Variants in BCAS3 observed in about 807,000 individuals in gnomAD.
The protein encoded by BCAS3 is BCAS4/BCAS3 fusion.
BCAS3 carries 53 observed loss-of-function variants against 116.1 expected under a neutral mutation model. The observed-to-expected ratio is 0.46, with a 90% confidence interval of 0.37 to 0.57. The LOEUF is 0.57. Ranked by LOEUF, BCAS3 falls within the 20% of genes least tolerant of loss-of-function variation. BCAS3 has a pLI of 0.00. For missense variants in BCAS3, 917 were observed against 1,165.4 expected (o/e 0.79, Z 3.10); for synonymous variants, 391 against 408.2 (o/e 0.96, Z 0.51).
rs962588010 is a variant in BCAS3 at position 61,122,715 on chromosome 17, CA to C, written c.2425+38157del. The stretch of plus-strand genomic sequence containing the variant: ...CACATGCTGAATTTTCCCACATAGA[CA>C]AAAAACAAAACAAAACAAAAAACCA... On this transcript the variant is annotated intron_variant, in intron 22 of 23. Coordinates refer to ENST00000407086, the MANE Select transcript of BCAS3 (RefSeq NM_017679.5). The surrounding 1 kb of genome is among the most constrained non-coding windows in gnomAD (Gnocchi z 4.6). Among the ~76,000 whole-genome samples, 2 of 151,648 alleles carry C rather than the reference CA, an allele frequency of 1.3e-5. No homozygotes were observed. Among genetic ancestry groups the C allele is most frequent in the African/African-American group, 4.8e-5 (2 of 41,258 alleles).
At chr17:61,359,200 A>G (rs768442266) in intron 22 of BCAS3, among the ~76,000 whole-genome samples, 7 of 152,124 alleles carry the variant, frequency 4.6e-5, no homozygotes, top group Non-Finnish European at 8.8e-5. Context: ...TTAGCCTTTC[A>G]TAGAATCCCA....
intron 7 of BCAS3, among the ~76,000 whole-genome samples, chr17:60,859,323 T>C (rs1421736063): frequency 6.6e-6 from 1 of 152,042 alleles, no homozygotes. Context: ...GATAGGTAGT[T>C]TTTTGATCCT....
At chr17:60,679,427 T>G in intron 1 of BCAS3, 26 bp from the exon 2 acceptor site, 1 of 1,530,822 alleles carries the variant, frequency 6.5e-7, no homozygotes, top group Non-Finnish European at 9.0e-7. Context: ...TTCTGTTTTT[T>G]GTTTGTTTGT....
At chr17:61,184,859 T>C (rs2079676908) in intron 22 of BCAS3, among the ~76,000 whole-genome samples, 1 of 152,104 alleles carries the variant, frequency 6.6e-6, no homozygotes, top group African/African-American at 2.4e-5. Flanking sequence ...TCTGTGATTC[T>C]ATTTATATGA....
At chr17:61,147,185 G>A (rs932618490) in intron 22 of BCAS3, among the ~76,000 whole-genome samples, 9 of 151,832 alleles carry the variant, frequency 5.9e-5, no homozygotes, top group South Asian at 4.2e-4. Flanking sequence ...AGCGATTCTC[G>A]TGCCTTAGCC....
chr17:60,929,830 T>C (rs1259180711), intron 13 of BCAS3, among the ~76,000 whole-genome samples: 1 of 151,412 alleles, frequency 6.6e-6, no homozygotes, highest in South Asian at 2.1e-4. Context: ...TTTGGTTTTT[T>C]GTCCTTGCAA....
rs926267241 is a variant in BCAS3 at position 60,784,160 on chromosome 17, T to C, written c.404-23844T>C. ...TATATTGAAGATGTTAGGCATCTTA[T>C]CTAAAGGAGTGCAGCATTTATACTT... On this transcript the variant is annotated intron_variant, in intron 6 of 23. Coordinates refer to ENST00000407086, the MANE Select transcript of BCAS3 (RefSeq NM_017679.5). Among the ~76,000 whole-genome samples the C allele has an allele frequency of 5.9e-5, 9 of 151,834 alleles. No homozygotes were observed. The East Asian group carries it at 1.4e-3, about 23-fold the overall frequency.
chr17:60,782,734 C>T (rs931113466), intron 6 of BCAS3, among the ~76,000 whole-genome samples: 2 of 151,738 alleles, frequency 1.3e-5, no homozygotes, highest in South Asian at 4.2e-4. Context: ...TACAGGTACG[C>T]ACCACCGCAC....
At chr17:60,849,142 G>A (rs545267182) in intron 7 of BCAS3, among the ~76,000 whole-genome samples, 74 of 152,284 alleles carry the variant, frequency 4.9e-4, no homozygotes, top group African/African-American at 1.8e-3. Context: ...GTAATTTGGG[G>A]GTACAGCAAG....
At chr17:61,108,245 C>G (rs2074804552) in intron 22 of BCAS3, among the ~76,000 whole-genome samples, 1 of 152,114 alleles carries the variant, frequency 6.6e-6, no homozygotes, top group South Asian at 2.1e-4. Flanking sequence ...ACTTTCCTTC[C>G]TGTAACTTTT....
At position 61,372,459 on chromosome 17, in the gene BCAS3, T is replaced by A. The variant is rs566866410; in HGVS notation, c.2593+3965T>A. On this transcript the variant is annotated intron_variant, in intron 23 of 23. Transcript: ENST00000407086. ...TGATGATTTCCAAATAATTTCCAAG[T>A]TGGCTTTGTCTCCTGATCTCCAGAA... 1.4e-4 allele frequency among the ~76,000 whole-genome samples: 21 copies of A among 152,356 alleles called. No homozygotes were observed. In the South Asian group the frequency reaches 4.4e-3, roughly 32 times the overall value.
intron 22 of BCAS3, among the ~76,000 whole-genome samples, chr17:61,153,238 G>A (rs1413102777): frequency 6.6e-6 from 1 of 152,074 alleles, no homozygotes; most frequent in Admixed American, 6.5e-5. Context: ...ATACAATGTT[G>A]TAGGACAGTG....
At chr17:61,067,313 A>ATATATATATATATATT (rs2070774495) in intron 19 of BCAS3, among the ~76,000 whole-genome samples, 1 of 131,766 alleles carries the variant, frequency 7.6e-6, no homozygotes, top group South Asian at 2.4e-4. Flanking sequence ...ATATATATAT[A>ATATATATATATATATT]TATTTATACA....
At chr17:60,809,415 C>G (rs2048587017) in intron 7 of BCAS3, among the ~76,000 whole-genome samples, 1 of 152,182 alleles carries the variant, frequency 6.6e-6, no homozygotes, top group South Asian at 2.1e-4. Context: ...AACTGCTAAT[C>G]TTTGCACAAT....
intron 16 of BCAS3, among the ~76,000 whole-genome samples, chr17:61,022,580 C>G (rs2065956079): frequency 6.6e-6 from 1 of 151,986 alleles, no homozygotes; most frequent in Non-Finnish European, 1.5e-5. Flanking sequence ...GCATAAATTT[C>G]TACAGAAGTT....
At chr17:60,836,227 T>A (rs996303397) in intron 7 of BCAS3, among the ~76,000 whole-genome samples, 1 of 152,156 alleles carries the variant, frequency 6.6e-6, no homozygotes, top group Admixed American at 6.5e-5. Flanking sequence ...ACATTAAGGC[T>A]CACTCTTGGT....
At position 61,041,971 on chromosome 17, in the gene BCAS3, AAG is replaced by A. The variant is rs1184498391; in HGVS notation, c.2029+1080_2029+1081del. Among the ~76,000 whole-genome samples the A allele has an allele frequency of 1.6e-4, 24 of 152,046 alleles. 1 individual carries two copies. Among genetic ancestry groups the A allele is most frequent in the African/African-American group, 3.6e-4 (15 of 41,426 alleles). ...TTCAGGAGATAGACATTTAATAAAA[AAG>A]TAAAATAAAGTGGGGTAGGTGTGTC... On this transcript the variant is annotated intron_variant, in intron 19 of 23. Coordinates refer to ENST00000407086, the MANE Select transcript of BCAS3 (RefSeq NM_017679.5). The surrounding 1 kb of genome is among the most constrained non-coding windows in gnomAD (Gnocchi z 4.7).
chr17:61,045,908 TATATTTATATATATAATATATATAA>T (rs2068086405), intron 19 of BCAS3, among the ~76,000 whole-genome samples: 1 of 31,454 alleles, frequency 3.2e-5, no homozygotes, highest in East Asian at 1.1e-3. Flanking sequence ...TATATAAATA[TATATTTATATATATAATATATATAA>T]ATATATATAT....
At chr17:61,257,351 G>A (rs1357381429) in intron 22 of BCAS3, among the ~76,000 whole-genome samples, 1 of 150,988 alleles carries the variant, frequency 6.6e-6, no homozygotes, top group African/African-American at 2.4e-5. Context: ...AACCTGGGAG[G>A]CGGAGGTTGC....
Sources: gnomAD v4.1 joint callset for allele counts (sites outside exome capture counted in the v4.1 genomes callset) on GRCh38, gnomAD v4.1.1 for gene constraint, Gnocchi (gnomAD v3.1) non-coding constraint, MANE v1.5 for transcripts, NCBI Gene and HGNC (gene_info 2026-07-23, HGNC 2026-07-21) for gene names.